The following GABRB2 variants were observed in gnomAD, a reference collection of about 807,000 sequenced individuals.
GABRB2 encodes gamma-aminobutyric acid receptor subunit beta-2.
A neutral mutation model predicts 54.7 loss-of-function variants in GABRB2; 16 were observed. The observed-to-expected ratio is 0.29, with a 90% confidence interval of 0.20 to 0.44. The LOEUF (loss-of-function observed/expected upper bound fraction) is 0.44, where lower values mean the gene tolerates loss of function less well. Among genes scored for constraint, GABRB2 ranks in the 20% least tolerant of loss-of-function variants. GABRB2 has a pLI of 1.00. For missense variants in GABRB2, 355 were observed against 644.0 expected (o/e 0.55, Z 4.86); for synonymous variants, 244 against 233.8 (o/e 1.04, Z -0.40).
intron 9 of GABRB2, among the ~76,000 whole-genome samples, chr5:161,306,713 T>C (rs1757701009): frequency 6.6e-6 from 1 of 151,848 alleles, no homozygotes; most frequent in African/African-American, 2.4e-5. Context: ...GTACATGGAA[T>C]CTCATGGATT....
chr5:161,322,121 C>A (rs1758228116), intron 9 of GABRB2, among the ~76,000 whole-genome samples: 1 of 152,098 alleles, frequency 6.6e-6, no homozygotes, highest in South Asian at 2.1e-4. Flanking sequence ...CTCCAGGTCT[C>A]AGCTCACTAC....
At chr5:161,329,092 C>T (rs756398829) in intron 8 of GABRB2, among the ~76,000 whole-genome samples, 2 of 152,120 alleles carry the variant, frequency 1.3e-5, no homozygotes, top group African/African-American at 2.4e-5. Flanking sequence ...CCTCCTCCCT[C>T]TAGGTCTTAA....
chr5:161,304,718 G>T (rs1016058025), intron 9 of GABRB2, among the ~76,000 whole-genome samples: 5 of 151,794 alleles, frequency 3.3e-5, no homozygotes, highest in Admixed American at 6.6e-5. Flanking sequence ...TTCAGGTTGA[G>T]ATAGGAAGAT....
intron 9 of GABRB2, among the ~76,000 whole-genome samples, chr5:161,306,203 G>A (rs1010875880): frequency 5.3e-5 from 8 of 152,202 alleles, no homozygotes; most frequent in Admixed American, 1.3e-4. Context: ...CCAGGCAAGA[G>A]GGAAATTATA....
chr5:161,442,352 T>C (rs1229631045), intron 4 of GABRB2, among the ~76,000 whole-genome samples: 1 of 151,990 alleles, frequency 6.6e-6, no homozygotes, highest in African/African-American at 2.4e-5. Flanking sequence ...TGAGCAAAAG[T>C]ATATGCTTTT....
rs182805850 is a variant in GABRB2, at chr5:161,438,920, A to T, written c.458+20704T>A. ...CCTACAGGATCTCTCAAACAGCCTA[A>T]AAAGGGCAAATCTAAGAGTTATTGG... is the stretch of plus-strand genomic sequence containing the variant. On this transcript the variant is annotated intron_variant, in intron 4 of 9. Coordinates refer to ENST00000393959, the MANE Select transcript of GABRB2 (RefSeq NM_001371727.1). 2.0e-5 allele frequency among the ~76,000 whole-genome samples: 3 copies of T among 152,282 alleles called. No homozygotes were observed. The East Asian group carries it at 5.8e-4, about 29-fold the overall frequency.
chr5:161,493,834 A>G (rs1308958275), intron 3 of GABRB2, among the ~76,000 whole-genome samples: 1 of 151,742 alleles, frequency 6.6e-6, no homozygotes, highest in East Asian at 1.9e-4. Context: ...TAAGGAAATT[A>G]TATTATATTT....
intron 4 of GABRB2, among the ~76,000 whole-genome samples, chr5:161,434,515 CAA>C (rs1398330036): frequency 6.6e-6 from 1 of 152,040 alleles, no homozygotes. Context: ...CAGCCTTTCT[CAA>C]AATCTTTTAC....
At chr5:161,424,986 T>C (rs964350970) in intron 4 of GABRB2, among the ~76,000 whole-genome samples, 5 of 152,106 alleles carry the variant, frequency 3.3e-5, no homozygotes, top group African/African-American at 1.2e-4. Context: ...ACTACAGATA[T>C]AGTAGAAATA....
At chr5:161,536,934 C>T (rs1025910407) in intron 3 of GABRB2, among the ~76,000 whole-genome samples, 2 of 152,096 alleles carry the variant, frequency 1.3e-5, no homozygotes, top group Non-Finnish European at 2.9e-5. Flanking sequence ...CCTCTCCCTA[C>T]ATCCCTTCAG....
At chr5:161,424,852 C>T (rs1406132147) in intron 4 of GABRB2, among the ~76,000 whole-genome samples, 1 of 152,022 alleles carries the variant, frequency 6.6e-6, no homozygotes, top group Non-Finnish European at 1.5e-5. Context: ...ATTCTTGATG[C>T]CATTAAGACC....
At chr5:161,480,353 T>C (rs1230481951) in intron 3 of GABRB2, among the ~76,000 whole-genome samples, 1 of 152,022 alleles carries the variant, frequency 6.6e-6, no homozygotes, top group Non-Finnish European at 1.5e-5. Flanking sequence ...AGAGAGATGA[T>C]GTTTTACACA....
At chr5:161,401,559 C>T (rs183616442) in intron 5 of GABRB2, among the ~76,000 whole-genome samples, 2 of 152,242 alleles carry the variant, frequency 1.3e-5, no homozygotes, top group East Asian at 3.9e-4. Context: ...AAGATCTGTT[C>T]AAGGCTTACC....
intron 5 of GABRB2, among the ~76,000 whole-genome samples, chr5:161,348,453 T>G (rs1349983134): frequency 6.6e-6 from 1 of 152,082 alleles, no homozygotes; most frequent in Non-Finnish European, 1.5e-5. Flanking sequence ...CGAAATACCT[T>G]ATTTCATTTA....
chr5:161,541,309 T>A (rs1405713125), intron 3 of GABRB2, among the ~76,000 whole-genome samples: 1 of 152,186 alleles, frequency 6.6e-6, no homozygotes, highest in Non-Finnish European at 1.5e-5. Context: ...GCATCATTCT[T>A]AAGGGACCTA....
At chr5:161,329,753 C>T (rs1753775766) in intron 8 of GABRB2, 1 of 152,134 alleles carries the variant, frequency 6.6e-6, no homozygotes, top group Admixed American at 6.6e-5. Flanking sequence ...TCATGATGAA[C>T]TATTTATTGG....
At chr5:161,472,257 C>A (rs770806957) in intron 3 of GABRB2, among the ~76,000 whole-genome samples, 1 of 151,756 alleles carries the variant, frequency 6.6e-6, no homozygotes, top group Non-Finnish European at 1.5e-5. Flanking sequence ...TTTTCTAAGA[C>A]CTGCCTGGTT....
At chr5:161,304,401 T>G (rs1757621005) in intron 9 of GABRB2, among the ~76,000 whole-genome samples, 1 of 152,226 alleles carries the variant, frequency 6.6e-6, no homozygotes, top group South Asian at 2.1e-4. Flanking sequence ...AAAATTTGCC[T>G]GGCAAAAATC....
chr5:161,351,622 TC>T (rs1754473209), intron 5 of GABRB2, among the ~76,000 whole-genome samples: 1 of 152,020 alleles, frequency 6.6e-6, no homozygotes, highest in Non-Finnish European at 1.5e-5. Flanking sequence ...CGGGAAAAGC[TC>T]CATGACATTG....
Sources: allele counts gnomAD v4.1 joint callset (sites outside exome capture counted in the v4.1 genomes callset), GRCh38; gene constraint gnomAD v4.1.1; transcripts MANE v1.5; gene names NCBI Gene and HGNC (gene_info 2026-07-23, HGNC 2026-07-21).